Variants in GRIP1 observed in about 807,000 individuals in gnomAD.
The protein encoded by GRIP1 is glutamate receptor interacting protein 1, also known as glutamate receptor-interacting protein 1.
GRIP1 carries 45 observed loss-of-function variants against 129.9 expected under a neutral mutation model. The ratio of observed to expected loss-of-function variants is 0.35; its 90% CI spans 0.27 to 0.44. The LOEUF is 0.44. Among genes scored for constraint, GRIP1 ranks in the 20% least tolerant of loss-of-function variants. The probability of loss-of-function intolerance (pLI) is 1.00; values close to 1 mark genes in which losing one functional copy is unlikely to be tolerated. For synonymous variants in GRIP1, 530 were observed against 520.8 expected, an observed-to-expected ratio of 1.02 and a Z score of -0.24; for missense variants, 1,196 against 1,396.8, an observed-to-expected ratio of 0.86 and a Z score of 2.29.
At chr12:66,920,130 T>G (rs115635796) in intron 1 of GRIP1, among the ~76,000 whole-genome samples, 205 of 152,210 alleles carry the variant, frequency 1.3e-3, no homozygotes, top group African/African-American at 4.9e-3. Context: ...ACATAGAGAT[T>G]ATCAAGAATT....
intron 1 of GRIP1, among the ~76,000 whole-genome samples, chr12:66,702,342 A>T (rs532784355): frequency 2.0e-5 from 3 of 152,188 alleles, no homozygotes; most frequent in Non-Finnish European, 2.9e-5. Context: ...GTGCTCTAGA[A>T]TTATATTTCC....
chr12:66,868,970 G>A (rs1476328413), intron 1 of GRIP1, among the ~76,000 whole-genome samples: 2 of 152,104 alleles, frequency 1.3e-5, no homozygotes, highest in Non-Finnish European at 1.5e-5. Context: ...GGCTGCAGAG[G>A]TCTAGGTCAG....
intron 1 of GRIP1, among the ~76,000 whole-genome samples, chr12:66,910,832 T>TA (rs1315399859): frequency 6.6e-6 from 1 of 152,190 alleles, no homozygotes; most frequent in African/African-American, 2.4e-5. Flanking sequence ...GGTACGTCCC[T>TA]AGGCCATAGA....
chr12:66,723,891 G>C (rs1252784992), intron 1 of GRIP1, among the ~76,000 whole-genome samples: 2 of 152,152 alleles, frequency 1.3e-5, no homozygotes, highest in Non-Finnish European at 2.9e-5. Flanking sequence ...CAATGAAACA[G>C]GTATTTCTTT....
chr12:66,409,663 T>C (rs2057316417), intron 15 of GRIP1, among the ~76,000 whole-genome samples: 1 of 152,176 alleles, frequency 6.6e-6, no homozygotes, highest in Admixed American at 6.5e-5. Context: ...CAAGACCATC[T>C]GAGAAAACAC....
At chr12:67,003,545 T>C (rs1411390272) in intron 1 of GRIP1, among the ~76,000 whole-genome samples, 2 of 151,746 alleles carry the variant, frequency 1.3e-5, no homozygotes, top group Middle Eastern at 3.2e-3. Flanking sequence ...TACAAAAAAT[T>C]AGCCAGGCTT....
intron 1 of GRIP1, among the ~76,000 whole-genome samples, chr12:66,702,791 G>A (rs1374127167): frequency 6.6e-6 from 1 of 152,128 alleles, no homozygotes; most frequent in East Asian, 1.9e-4. Context: ...TCTAGAAAGG[G>A]GTAAGGGTCT....
intron 19 of GRIP1, among the ~76,000 whole-genome samples, chr12:66,384,743 A>G (rs2056276971): frequency 1.3e-5 from 2 of 152,240 alleles, no homozygotes; most frequent in South Asian, 4.1e-4. Context: ...ATGGAGGGAC[A>G]TCAGAGATGC....
chr12:66,938,336 C>T (rs977422625), intron 1 of GRIP1, among the ~76,000 whole-genome samples: 1 of 152,028 alleles, frequency 6.6e-6, no homozygotes, highest in African/African-American at 2.4e-5. Flanking sequence ...GATCATGCCA[C>T]GGCATTCCAG....
rs562739536 is a variant in GRIP1, at chr12:66,960,800, C to T, written c.58+108250G>A. Among the ~76,000 whole-genome samples, 6 of 152,182 alleles carry T rather than the reference C, an allele frequency of 3.9e-5. No homozygotes were observed. In the East Asian group the frequency reaches 1.2e-3, roughly 29 times the overall value. ...GCCCCCACAGCCAAGATTACCCAGACCAAAATGTCAGTAGTGCCAAGGCTG... is the reference window on the plus strand; with the variant it reads ...GCCCCCACAGCCAAGATTACCCAGATCAAAATGTCAGTAGTGCCAAGGCTG... On this transcript the variant is annotated intron_variant, in intron 1 of 1. Coordinates refer to the GRIP1 transcript ENST00000643019.
chr12:66,997,409 C>T (rs563965793), intron 1 of GRIP1, among the ~76,000 whole-genome samples: 1 of 152,044 alleles, frequency 6.6e-6, no homozygotes, highest in East Asian at 1.9e-4. Context: ...AAAGTGAAAC[C>T]CTATCTCAAA....
chr12:66,655,766 C>T (rs536252002), intron 1 of GRIP1, among the ~76,000 whole-genome samples: 2 of 152,100 alleles, frequency 1.3e-5, no homozygotes, highest in African/African-American at 2.4e-5. Context: ...TCCGCCACTG[C>T]GCCCAGCTAA....
intron 1 of GRIP1, among the ~76,000 whole-genome samples, chr12:66,952,123 A>T (rs2041767797): frequency 6.6e-6 from 1 of 152,108 alleles, no homozygotes; most frequent in Admixed American, 6.5e-5. Context: ...GAAAGGTCAG[A>T]GGAGGGGAGG....
chr12:66,570,916 T>C (rs1455242465), intron 2 of GRIP1: 1 of 152,184 alleles, frequency 6.6e-6, no homozygotes, highest in Non-Finnish European at 1.5e-5. Flanking sequence ...AAACCCAGGA[T>C]CCTACAGATG....
chr12:66,423,028 T>C (rs141915220), intron 14 of GRIP1, among the ~76,000 whole-genome samples: 1 of 152,332 alleles, frequency 6.6e-6, no homozygotes, highest in East Asian at 1.9e-4. Context: ...GCTTGGCTGG[T>C]AGTGCTTTAA....
At chr12:66,352,605 C>T (rs553121353) in intron 24 of GRIP1, among the ~76,000 whole-genome samples, 2 of 151,988 alleles carry the variant, frequency 1.3e-5, no homozygotes, top group East Asian at 3.9e-4. Flanking sequence ...TGGTGGTGTG[C>T]ACCTGTAATC....
intron 1 of GRIP1, among the ~76,000 whole-genome samples, chr12:66,827,069 T>A (rs1015671885): frequency 6.6e-6 from 1 of 152,178 alleles, no homozygotes; most frequent in African/African-American, 2.4e-5. Flanking sequence ...TGTATTAGCA[T>A]CTTTTGTCAC....
At chr12:66,809,814 C>A (rs1232392169) in intron 1 of GRIP1, among the ~76,000 whole-genome samples, 2 of 151,984 alleles carry the variant, frequency 1.3e-5, no homozygotes, top group African/African-American at 4.8e-5. Context: ...CATGTCTCAC[C>A]ACATACAGCT....
intron 4 of GRIP1, among the ~76,000 whole-genome samples, chr12:66,535,413 G>A (rs905779826): frequency 6.6e-6 from 1 of 151,776 alleles, no homozygotes; most frequent in Non-Finnish European, 1.5e-5. Context: ...TGGTAATAAG[G>A]CTAATGTTAT....
Sources: gnomAD v4.1 joint callset for allele counts (sites outside exome capture counted in the v4.1 genomes callset) on GRCh38, gnomAD v4.1.1 for gene constraint, MANE v1.5 for transcripts, NCBI Gene and HGNC (gene_info 2026-07-23, HGNC 2026-07-21) for gene names.